Variants in NOL4L observed in about 807,000 individuals in gnomAD.
The protein encoded by NOL4L is nucleolar protein 4-like.
A neutral mutation model predicts 64.5 loss-of-function variants in NOL4L; 7 were observed. The ratio of observed to expected loss-of-function variants is 0.11; its 90% CI spans 0.06 to 0.20. The LOEUF (loss-of-function observed/expected upper bound fraction) is 0.20, where lower values mean the gene tolerates loss of function less well. Among genes scored for constraint, NOL4L ranks in the 10% least tolerant of loss-of-function variants. NOL4L has a pLI of 1.00. For missense variants in NOL4L, 680 were observed against 967.1 expected, an observed-to-expected ratio of 0.70 and a Z score of 3.94; for synonymous variants, 413 against 401.0, an observed-to-expected ratio of 1.03 and a Z score of -0.36.
chr20:32,549,230 T>C (rs2018768073), intron 1 of NOL4L, among the ~76,000 whole-genome samples: 1 of 152,160 alleles, frequency 6.6e-6, no homozygotes, highest in Admixed American at 6.5e-5. Context: ...GGGACTTGTA[T>C]CTAGAATACA....
At chr20:32,525,052 G>A (rs1459396898) in intron 2 of NOL4L, among the ~76,000 whole-genome samples, 1 of 152,216 alleles carries the variant, frequency 6.6e-6, no homozygotes, top group Non-Finnish European at 1.5e-5. Flanking sequence ...CCAGTCATGT[G>A]CCAGCTCCAG....
intron 4 of NOL4L, chr20:32,485,891 C>A: frequency 2.5e-6 from 1 of 396,968 alleles, no homozygotes; most frequent in Non-Finnish European, 5.2e-6. Context: ...AAATATAAAG[C>A]CAAATACAAC....
At chr20:32,527,986 G>T in intron 1 of NOL4L, 73 bp from the exon 2 acceptor site, 1 of 1,346,484 alleles carries the variant, frequency 7.4e-7, no homozygotes, top group Non-Finnish European at 9.9e-7. Context: ...TGAGGCCGGG[G>T]CAAGGGGTCA....
At chr20:32,493,146 G>T (rs1022721890) in intron 4 of NOL4L, among the ~76,000 whole-genome samples, 3 of 152,216 alleles carry the variant, frequency 2.0e-5, no homozygotes, top group Non-Finnish European at 4.4e-5. Flanking sequence ...AGCCTGAAGG[G>T]ATGAAACTCT....
intron 2 of NOL4L, among the ~76,000 whole-genome samples, chr20:32,522,250 GAC>G (rs765299717): frequency 1.2e-3 from 184 of 152,344 alleles, no homozygotes; most frequent in Non-Finnish European, 2.2e-3. Flanking sequence ...TAATTTTGGT[GAC>G]ACAATTGTTA....
rs80052788 is a variant in NOL4L at position 32,463,622 on chromosome 20, A to G, written c.842-7227T>C. Among the ~76,000 whole-genome samples, 966 of 152,346 alleles carry G rather than the reference A, an allele frequency of 6.3e-3. 33 individuals are homozygous for G. The East Asian group carries it at 0.1, about 17-fold the overall frequency. On this transcript the variant is annotated intron_variant, in intron 5 of 10. Coordinates refer to ENST00000621426, the MANE Select transcript of NOL4L (RefSeq NM_001256798.2). This position sits in a 1 kb window ranked among gnomAD's most constrained non-coding sequence, Gnocchi z 5.8. ...TTTGAACATGGGGCAATGTGCTGCT[A>G]TTCAAATGGAGGAATTAGTGATGAA...
At chr20:32,488,451 C>A (rs1486488725) in intron 4 of NOL4L, among the ~76,000 whole-genome samples, 1 of 152,170 alleles carries the variant, frequency 6.6e-6, no homozygotes, top group African/African-American at 2.4e-5. Context: ...TAGATGGTAG[C>A]TTTTATCATC....
intron 1 of NOL4L, among the ~76,000 whole-genome samples, chr20:32,549,308 A>T (rs1467232075): frequency 3.9e-5 from 6 of 152,238 alleles, no homozygotes; most frequent in Non-Finnish European, 7.3e-5. Flanking sequence ...CAAGGATCTG[A>T]ATAGATATTT....
chr20:32,466,159 G>C (rs1218088416), intron 5 of NOL4L, among the ~76,000 whole-genome samples: 1 of 152,096 alleles, frequency 6.6e-6, no homozygotes, highest in Non-Finnish European at 1.5e-5. Flanking sequence ...GTAGAAGTGG[G>C]GTTTTGCCAT....
chr20:32,457,576 A>C (rs974427616), intron 5 of NOL4L, among the ~76,000 whole-genome samples: 1 of 150,824 alleles, frequency 6.6e-6, no homozygotes. Context: ...CGCCCCAACC[A>C]ATTGCTGGCC....
At chr20:32,485,079 A>AAAAAAAAAAAAAAC (rs2016015272) in intron 4 of NOL4L, among the ~76,000 whole-genome samples, 1 of 147,536 alleles carries the variant, frequency 6.8e-6, no homozygotes, top group Non-Finnish European at 1.5e-5. Flanking sequence ...AAAAAAAAAA[A>AAAAAAAAAAAAAAC]AAAAAAAACA....
At chr20:32,465,592 G>C (rs1182416093) in intron 5 of NOL4L, among the ~76,000 whole-genome samples, 1 of 152,198 alleles carries the variant, frequency 6.6e-6, no homozygotes, top group Non-Finnish European at 1.5e-5. Flanking sequence ...TGCAAAGATC[G>C]AGCCGAGACA....
At chr20:32,535,907 C>T in intron 1 of NOL4L, 1 of 985,540 alleles carries the variant, frequency 1.0e-6, no homozygotes, top group South Asian at 4.7e-5. Flanking sequence ...GACGGACAGG[C>T]CAGGGTCTGG....
intron 4 of NOL4L, among the ~76,000 whole-genome samples, chr20:32,498,768 A>T (rs866349231): frequency 0.1 from 13,415 of 128,970 alleles, 1,007 homozygotes; most frequent in African/African-American, 0.28. Flanking sequence ...TGTCTCAATA[A>T]AAAAAAAAAA....
intron 4 of NOL4L, among the ~76,000 whole-genome samples, chr20:32,498,957 G>A (rs2016808140): frequency 6.6e-6 from 1 of 151,912 alleles, no homozygotes; most frequent in African/African-American, 2.4e-5. Context: ...TCAGCTCACT[G>A]CAACCTCTGC....
chr20:32,518,836 G>A (rs553525252), intron 3 of NOL4L, among the ~76,000 whole-genome samples: 81 of 152,336 alleles, frequency 5.3e-4, no homozygotes, highest in Admixed American at 1.2e-3. Flanking sequence ...ACCAAATGCT[G>A]TCTTGGCCCA....
At chr20:32,509,381 G>C (rs2017279996) in intron 4 of NOL4L, among the ~76,000 whole-genome samples, 1 of 151,910 alleles carries the variant, frequency 6.6e-6, no homozygotes, top group Non-Finnish European at 1.5e-5. Context: ...TAGCAGGTGT[G>C]GTGGCAGGTG....
chr20:32,543,499 A>G (rs2018687524), intron 1 of NOL4L, among the ~76,000 whole-genome samples: 1 of 152,104 alleles, frequency 6.6e-6, no homozygotes, highest in Non-Finnish European at 1.5e-5. Context: ...GGCACCTGTA[A>G]TCTCAGCAAC....
At chr20:32,511,641 TA>T (rs1348512998) in intron 3 of NOL4L, among the ~76,000 whole-genome samples, 185 bp from the exon 4 acceptor site, 2 of 152,190 alleles carry the variant, frequency 1.3e-5, no homozygotes, top group South Asian at 2.1e-4. Context: ...GTGTCAAAAA[TA>T]TTTTTTTTTT....
Sources: gnomAD v4.1 joint callset for allele counts (sites outside exome capture counted in the v4.1 genomes callset) on GRCh38, gnomAD v4.1.1 for gene constraint, Gnocchi (gnomAD v3.1) non-coding constraint, MANE v1.5 for transcripts, NCBI Gene and HGNC (gene_info 2026-07-23, HGNC 2026-07-21) for gene names.